Variants in TRAM2 observed in about 807,000 individuals in gnomAD.
The protein encoded by TRAM2 is translocating chain-associated membrane protein 2.
TRAM2 carries 12 observed loss-of-function variants against 51.0 expected under a neutral mutation model. That is an observed-to-expected ratio of 0.24 (90% CI 0.15 to 0.38). TRAM2 has a LOEUF of 0.38. Ranked by LOEUF, TRAM2 falls within the 10% of genes least tolerant of loss-of-function variation. The pLI, the probability that TRAM2 is intolerant of heterozygous loss-of-function variation, is 1.00. For missense variants in TRAM2, 361 were observed against 462.0 expected (o/e 0.78, Z 2.00); for synonymous variants, 175 against 179.4 (o/e 0.98, Z 0.20).
chr6:52,504,872 C>CCTTCACCACTGGCCCT (rs1177797853), intron 9 of TRAM2, 118 bp from the exon 10 acceptor site: 85 of 858,544 alleles, frequency 9.9e-5, no homozygotes, highest in Non-Finnish European at 9.8e-5. Flanking sequence ...ATCACGTCCG[C>CCTTCACCACTGGCCCT]CTTCACCACT....
In TRAM2 at chr6:52,503,018, G is replaced by A; in HGVS notation, c.*179C>T. On this transcript the variant is annotated 3_prime_UTR_variant, in exon 11 of 11. Transcript: ENST00000182527. ...GCTTTATTGAGAATGGTTTGTGGAA[G>A]AATAAGAGGAAGCCAAGAAGAAGGA... 1 of 641,804 alleles carries A rather than the reference G, an allele frequency of 1.6e-6. No homozygotes were observed. Among genetic ancestry groups the A allele is most frequent in the Non-Finnish European group, 2.8e-6 (1 of 362,504 alleles). 39.8% of individuals were successfully genotyped at this position (641,804 alleles called of 1,614,324 possible).
chr6:52,504,327 C>T (rs1051493613), intron 10 of TRAM2, among the ~76,000 whole-genome samples: 3 of 152,206 alleles, frequency 2.0e-5, no homozygotes, highest in African/African-American at 7.2e-5. Context: ...GCCAGAGTTC[C>T]CCACCCAGCC....
chr6:52,527,982 G>A (rs988702969), intron 2 of TRAM2, among the ~76,000 whole-genome samples: 5 of 152,312 alleles, frequency 3.3e-5, no homozygotes, highest in Non-Finnish European at 4.4e-5. Context: ...ACTGGGGGCC[G>A]TGGTTTTTCT....
chr6:52,548,855 TTA>T (rs1767257334), intron 1 of TRAM2, among the ~76,000 whole-genome samples: 1 of 152,202 alleles, frequency 6.6e-6, no homozygotes, highest in African/African-American at 2.4e-5. Flanking sequence ...GACCATGTCT[TTA>T]TTTATCTCCA....
intron 2 of TRAM2, among the ~76,000 whole-genome samples, chr6:52,521,538 CA>C (rs1299038017): frequency 1.3e-5 from 2 of 149,286 alleles, no homozygotes; most frequent in Non-Finnish European, 1.5e-5. Context: ...ACTAAAAATA[CA>C]AAAAAAAATT....
At chr6:52,537,752 CCT>C (rs1767001742) in intron 1 of TRAM2, among the ~76,000 whole-genome samples, 1 of 152,176 alleles carries the variant, frequency 6.6e-6, no homozygotes, top group Non-Finnish European at 1.5e-5. Flanking sequence ...CCTCGCAGCC[CCT>C]CTTACGTAAG....
rs1452105889 is a variant in TRAM2 at position 52,502,885 on chromosome 6, G to A, written c.*312C>T. The A allele has an allele frequency of 1.0e-5, 4 of 387,018 alleles. No individual in the cohort carries two copies. Among genetic ancestry groups the A allele is most frequent in the Non-Finnish European group, 1.9e-5 (4 of 214,404 alleles). 24.0% of individuals were successfully genotyped at this position (387,018 alleles called of 1,614,324 possible). ...CAGCAGCCATAAGGCAAGAGACAGA[G>A]CAAGCAGAAAGGTGCCAGCCATGGG... On this transcript the variant is annotated 3_prime_UTR_variant, in exon 11 of 11. Coordinates refer to ENST00000182527, the MANE Select transcript of TRAM2 (RefSeq NM_012288.4).
chr6:52,527,850 C>G (rs1221450381), intron 2 of TRAM2, among the ~76,000 whole-genome samples: 1 of 152,152 alleles, frequency 6.6e-6, no homozygotes, highest in African/African-American at 2.4e-5. Context: ...CCTTTCTGCA[C>G]AATTGTTACA....
At chr6:52,511,340 C>T (rs569838463) in intron 4 of TRAM2, among the ~76,000 whole-genome samples, 1 of 152,316 alleles carries the variant, frequency 6.6e-6, no homozygotes, top group Admixed American at 6.5e-5. Flanking sequence ...CCTGACCTCA[C>T]TTGCCTCGAC....
Position 52,577,018 on chromosome 6 carries a change from C to A in TRAM2, c.-103G>T, listed in dbSNP as rs1366592929. On this transcript the variant is annotated 5_prime_UTR_variant, in exon 1 of 11. Transcript: ENST00000182527. Reference sequence around the variant, plus strand: ...CCGGTCCGCCCGCCGGCCCGCCGCCCGCTCTCCCACAGCCGCTCGCCCGCC... The same window carrying A: ...CCGGTCCGCCCGCCGGCCCGCCGCCAGCTCTCCCACAGCCGCTCGCCCGCC... 2 of 1,279,156 alleles carry A rather than the reference C, an allele frequency of 1.6e-6. No homozygotes were observed. The highest frequency in any genetic ancestry group is 3.2e-5 in the African/African-American group (2 of 63,066). The allele number at this position is 1,279,156 out of a possible 1,614,324, so 79.2% of individuals were successfully genotyped here.
chr6:52,569,909 C>T (rs1767649977), intron 1 of TRAM2, among the ~76,000 whole-genome samples: 1 of 152,156 alleles, frequency 6.6e-6, no homozygotes, highest in South Asian at 2.1e-4. Context: ...TTCAAATTCA[C>T]TAGAATTCCA....
At chr6:52,549,024 G>T (rs979385126) in intron 1 of TRAM2, among the ~76,000 whole-genome samples, 13 of 152,164 alleles carry the variant, frequency 8.5e-5, no homozygotes, top group African/African-American at 2.9e-4. Flanking sequence ...GCAGGTGAGG[G>T]TTAGAACAGA....
chr6:52,531,940 C>T (rs2114083764), intron 2 of TRAM2, among the ~76,000 whole-genome samples: 1 of 152,268 alleles, frequency 6.6e-6, no homozygotes, highest in Non-Finnish European at 1.5e-5. Context: ...TAACAATAGG[C>T]ACACAAATAT....
intron 2 of TRAM2, among the ~76,000 whole-genome samples, chr6:52,526,789 T>C (rs574056217): frequency 1.3e-5 from 2 of 152,340 alleles, no homozygotes; most frequent in South Asian, 4.1e-4. Context: ...GCCAGGCACA[T>C]ACTACAGACT....
intron 1 of TRAM2, among the ~76,000 whole-genome samples, chr6:52,550,180 G>A (rs1392588344): frequency 6.6e-6 from 1 of 152,174 alleles, no homozygotes; most frequent in Non-Finnish European, 1.5e-5. Flanking sequence ...CTGCTGGACA[G>A]TTCTGGCAGT....
chr6:52,505,095 A>G (rs188335566), intron 9 of TRAM2, among the ~76,000 whole-genome samples: 1 of 152,374 alleles, frequency 6.6e-6, no homozygotes, highest in East Asian at 1.9e-4. Flanking sequence ...TGTAAGCTCC[A>G]CAAATATTGG....
intron 9 of TRAM2, among the ~76,000 whole-genome samples, chr6:52,505,200 C>T (rs1450791786): frequency 6.6e-6 from 1 of 152,206 alleles, no homozygotes; most frequent in Non-Finnish European, 1.5e-5. Context: ...CTCTCCTGGG[C>T]CTAGGGGCTC....
intron 1 of TRAM2, among the ~76,000 whole-genome samples, chr6:52,536,285 G>A (rs1454730436): frequency 6.6e-6 from 1 of 152,236 alleles, no homozygotes; most frequent in African/African-American, 2.4e-5. Flanking sequence ...GTGCATTGGA[G>A]AGCAGCCCTG....
chr6:52,550,760 C>T (rs1465859008), intron 1 of TRAM2, among the ~76,000 whole-genome samples: 2 of 152,068 alleles, frequency 1.3e-5, no homozygotes, highest in African/African-American at 2.4e-5. Context: ...TCATGTTGGC[C>T]AGGCTGTTCT....
Sources: gnomAD v4.1 joint callset for allele counts (sites outside exome capture counted in the v4.1 genomes callset) on GRCh38, gnomAD v4.1.1 for gene constraint, MANE v1.5 for transcripts, NCBI Gene and HGNC (gene_info 2026-07-23, HGNC 2026-07-21) for gene names.